Variants in SLC36A4 observed in about 807,000 individuals in gnomAD.
The protein encoded by SLC36A4 is solute carrier family 36 member 4, also known as neutral amino acid uniporter 4.
SLC36A4 carries 49 observed loss-of-function variants against 50.5 expected under a neutral mutation model. That is an observed-to-expected ratio of 0.97 (90% CI 0.77 to 1.23). SLC36A4 has a LOEUF of 1.23. Among genes scored for constraint, SLC36A4 ranks in the 50% most tolerant of loss-of-function variants. SLC36A4 has a pLI of 0.00. For synonymous variants in SLC36A4, 207 were observed against 206.5 expected (o/e 1.00, Z -0.02); for missense variants, 611 against 608.4 (o/e 1.00, Z -0.05).
chr11:93,197,694 C>A, intron 1 of SLC36A4, 84 bp downstream of exon 1: 1 of 1,431,172 alleles, frequency 7.0e-7, no homozygotes. Context: ...AAGCGCGGGG[C>A]CCCTGGAGGT....
rs941807341 is a variant in SLC36A4 at position 93,180,769 on chromosome 11, A to T, written c.540+28T>A. On this transcript the variant is annotated intron_variant, in intron 6 of 10. Transcript: ENST00000326402. ...ATAACTAGGGCTTTAGAAGAAAATGATTTCACTAACTGGAGAAAAATACTC... is the reference window on the plus strand; with the variant it reads ...ATAACTAGGGCTTTAGAAGAAAATGTTTTCACTAACTGGAGAAAAATACTC... 54 of 1,518,040 alleles carry T rather than the reference A, an allele frequency of 3.6e-5. No individual in the cohort carries two copies. In the South Asian group the frequency reaches 5.8e-4, roughly 16 times the overall value. The allele number at this position is 1,518,040 out of a possible 1,614,324, so 94.0% of individuals were successfully genotyped here.
intron 10 of SLC36A4, among the ~76,000 whole-genome samples, chr11:93,150,807 T>G (rs1482095649): frequency 6.6e-6 from 1 of 152,044 alleles, no homozygotes; most frequent in Non-Finnish European, 1.5e-5. Flanking sequence ...ACATGTTTGT[T>G]TCACCTACTT....
intron 10 of SLC36A4, among the ~76,000 whole-genome samples, chr11:93,150,241 TCAC>T (rs1030172338): frequency 2.0e-5 from 3 of 152,070 alleles, no homozygotes; most frequent in Non-Finnish European, 4.4e-5. Flanking sequence ...GACGATTATA[TCAC>T]CACATTTCCT....
At chr11:93,153,325 C>T (rs1860190073) in intron 10 of SLC36A4, among the ~76,000 whole-genome samples, 1 of 152,026 alleles carries the variant, frequency 6.6e-6, no homozygotes, top group Admixed American at 6.6e-5. Context: ...TTTGTAGTTA[C>T]AGTAATGGTT....
Position 93,197,989 on chromosome 11 carries a change from T to A in SLC36A4, c.-157A>T. On this transcript the variant is annotated 5_prime_UTR_variant, in exon 1 of 11. It removes an upstream start codon present in the reference 5' UTR. Transcript: ENST00000326402. ...CTCCCCAACCGCGCGGCGAGGAGCATGCGCAGTGGGACAGCCCGGCTCGGC... is the reference window on the plus strand; with the variant it reads ...CTCCCCAACCGCGCGGCGAGGAGCAAGCGCAGTGGGACAGCCCGGCTCGGC... 1 of 716,696 alleles carries A rather than the reference T, an allele frequency of 1.4e-6. No individual in the cohort carries two copies. The allele number at this position is 716,696 out of a possible 1,614,324, so 44.4% of individuals were successfully genotyped here. A position where few individuals can be genotyped will look rare whatever the true frequency, so the allele number is the denominator to read the frequency against.
intron 6 of SLC36A4, chr11:93,170,116 G>A (rs1861061489): frequency 6.6e-6 from 1 of 152,028 alleles, no homozygotes; most frequent in African/African-American, 2.4e-5. Context: ...CATACCTAGA[G>A]CAAGATTCAG....
rs1860959073 is a variant in SLC36A4 at position 93,167,996 on chromosome 11, G to A, written c.716C>T (p.Ala239Val). The A allele has an allele frequency of 1.9e-6, 3 of 1,612,094 alleles. No homozygotes were observed. The highest frequency in any genetic ancestry group is 2.5e-6 in the Non-Finnish European group (3 of 1,178,986). The change falls in exon 7 of 11, where the codon GCC (alanine) becomes GTC (valine). Residue 239 changes from alanine (A) to valine (V), a missense_variant. Coordinates refer to ENST00000326402, the MANE Select transcript of SLC36A4 (RefSeq NM_152313.4). Reference sequence around the variant, plus strand: ...AAGACTGACAGCCATGGAAACGTTGGCAAGGAATGAAAGTACAAATAGATT... The same window carrying A: ...AAGACTGACAGCCATGGAAACGTTGACAAGGAATGAAAGTACAAATAGATT... ...LKNLFVLSFL[A>V]NVSMAVSLVI...
chr11:93,178,295 T>C (rs1861582367), intron 6 of SLC36A4, among the ~76,000 whole-genome samples: 1 of 152,172 alleles, frequency 6.6e-6, no homozygotes, highest in Non-Finnish European at 1.5e-5. Flanking sequence ...GTACCATCTG[T>C]CATGGCTTCC....
intron 2 of SLC36A4, 137 bp downstream of exon 2, chr11:93,185,554 C>T: frequency 1.3e-6 from 1 of 758,044 alleles, no homozygotes; most frequent in Non-Finnish European, 2.0e-6. Context: ...CCCAAATAGA[C>T]TATAAACTCA....
At chr11:93,196,190 T>A (rs1347169140) in intron 1 of SLC36A4, among the ~76,000 whole-genome samples, 2 of 152,214 alleles carry the variant, frequency 1.3e-5, no homozygotes, top group Non-Finnish European at 2.9e-5. Context: ...TCTTTCCACA[T>A]CACTTTTAAT....
At chr11:93,192,143 A>C (rs1382779615) in intron 1 of SLC36A4, among the ~76,000 whole-genome samples, 1 of 152,220 alleles carries the variant, frequency 6.6e-6, no homozygotes, top group East Asian at 1.9e-4. Flanking sequence ...GTTAAGTGCT[A>C]AGGAGAAACA....
At chr11:93,188,798 T>C (rs1307366225) in intron 1 of SLC36A4, among the ~76,000 whole-genome samples, 1 of 152,110 alleles carries the variant, frequency 6.6e-6, no homozygotes, top group East Asian at 1.9e-4. Flanking sequence ...TTCCTAGGGC[T>C]CTCATAATCA....
chr11:93,188,008 A>T (rs1197068569), intron 1 of SLC36A4, among the ~76,000 whole-genome samples: 10 of 152,096 alleles, frequency 6.6e-5, no homozygotes, highest in Non-Finnish European at 1.3e-4. Context: ...TCTCTTTCTG[A>T]AGGAGATTTT....
chr11:93,179,941 T>G (rs970001696), intron 6 of SLC36A4: 1 of 287,660 alleles, frequency 3.5e-6, no homozygotes, highest in African/African-American at 2.3e-5. Flanking sequence ...CTCAGTGAAA[T>G]GAAGCATAGT....
At chr11:93,159,440 A>T (rs1682586032) in intron 9 of SLC36A4, among the ~76,000 whole-genome samples, 1 of 152,160 alleles carries the variant, frequency 6.6e-6, no homozygotes, top group African/African-American at 2.4e-5. Flanking sequence ...CTGTCTCTCA[A>T]GGTTGAATAC....
chr11:93,167,601 AT>A (rs1860935471), intron 7 of SLC36A4: 1 of 185,320 alleles, frequency 5.4e-6, no homozygotes, highest in Non-Finnish European at 1.1e-5. Context: ...ATATATATTA[AT>A]GAGTACCTGG....
At chr11:93,162,600 A>G in intron 9 of SLC36A4, 106 bp downstream of exon 9, 1 of 1,017,006 alleles carries the variant, frequency 9.8e-7, no homozygotes, top group Non-Finnish European at 1.4e-6. Context: ...ATCACAGTAA[A>G]AATTTTAAAT....
In SLC36A4 at chr11:93,145,937, T is replaced by C. The variant is rs528423138; in HGVS notation, c.*2600A>G. The stretch of plus-strand genomic sequence containing the variant: ...AATAAAATGCATCATCAAATACCCT[T>C]AATAAGAATACATTTAAGCTTTCCA... On this transcript the variant is annotated 3_prime_UTR_variant, in exon 11 of 11. Coordinates refer to ENST00000326402, the MANE Select transcript of SLC36A4 (RefSeq NM_152313.4). The C allele has an allele frequency of 6.6e-6, 1 of 152,100 alleles. No homozygotes were observed. Among genetic ancestry groups the C allele is most frequent in the Non-Finnish European group, 1.5e-5 (1 of 67,990 alleles). The allele number at this position is 152,100 out of a possible 1,614,324, so 9.4% of individuals were successfully genotyped here.
intron 6 of SLC36A4, among the ~76,000 whole-genome samples, chr11:93,178,434 C>T (rs547545801): frequency 4.6e-5 from 7 of 152,290 alleles, no homozygotes; most frequent in African/African-American, 1.7e-4. Flanking sequence ...GAACCCAGTA[C>T]CTCAGTTGGA....
Sources: gnomAD v4.1 joint callset for allele counts (sites outside exome capture counted in the v4.1 genomes callset) on GRCh38, gnomAD v4.1.1 for gene constraint, MANE v1.5 for transcripts, NCBI Gene and HGNC (gene_info 2026-07-23, HGNC 2026-07-21) for gene names.